Variants in DCC observed in about 807,000 individuals in gnomAD.
DCC encodes DCC netrin 1 receptor.
A neutral mutation model predicts 172.5 loss-of-function variants in DCC; 58 were observed. The ratio of observed to expected loss-of-function variants is 0.34; its 90% CI spans 0.27 to 0.42. The LOEUF (loss-of-function observed/expected upper bound fraction) is 0.42, where lower values mean the gene tolerates loss of function less well. DCC is among the 10% of genes least tolerant of loss of function. The pLI, the probability that DCC is intolerant of heterozygous loss-of-function variation, is 1.00. For synonymous variants in DCC, 709 were observed against 644.5 expected, an observed-to-expected ratio of 1.10 and a Z score of -1.52; for missense variants, 1,740 against 1,791.0, an observed-to-expected ratio of 0.97 and a Z score of 0.51.
intron 5 of DCC, among the ~76,000 whole-genome samples, chr18:52,969,584 ACT>A (rs56024197): frequency 0.15 from 17,864 of 119,226 alleles, 1,312 homozygotes; most frequent in African/African-American, 0.19. Context: ...CCCGCCCCCC[ACT>A]CTCTCTCTCT....
At chr18:52,472,957 T>C (rs890771425) in intron 1 of DCC, among the ~76,000 whole-genome samples, 1 of 152,170 alleles carries the variant, frequency 6.6e-6, no homozygotes, top group Non-Finnish European at 1.5e-5. Context: ...CGTAGAGCCT[T>C]AAACCAAAGG....
At chr18:52,968,732 A>G (rs1038043424) in intron 5 of DCC, among the ~76,000 whole-genome samples, 5 of 152,210 alleles carry the variant, frequency 3.3e-5, no homozygotes, top group Non-Finnish European at 5.9e-5. Context: ...TAATTTAGCT[A>G]GGGATACCAG....
chr18:52,754,474 C>G (rs1005491380), intron 2 of DCC, among the ~76,000 whole-genome samples: 1 of 152,090 alleles, frequency 6.6e-6, no homozygotes, highest in African/African-American at 2.4e-5. Context: ...TAAAAGTAAC[C>G]ACAGAACACC....
At chr18:52,720,346 T>C (rs919258029) in intron 1 of DCC, among the ~76,000 whole-genome samples, 1 of 152,228 alleles carries the variant, frequency 6.6e-6, no homozygotes, top group African/African-American at 2.4e-5. Context: ...CATTTGTTGT[T>C]AAATTTTTGA....
chr18:53,153,968 G>A lies in DCC; in HGVS notation c.1262-3388G>A, dbSNP rs1337364782. Among the ~76,000 whole-genome samples the A allele has an allele frequency of 2.0e-5, 3 of 152,188 alleles. No individual in the cohort carries two copies. The East Asian group carries it at 5.8e-4, about 29-fold the overall frequency. Reference sequence around the variant, plus strand: ...GGAGGACAGGCGATCTGAGCTGTTCGAATATTTGCTGAGTGAGCAGAGCTA... The same window carrying A: ...GGAGGACAGGCGATCTGAGCTGTTCAAATATTTGCTGAGTGAGCAGAGCTA... On this transcript the variant is annotated intron_variant, in intron 7 of 28. Transcript: ENST00000442544.
intron 5 of DCC, 31 bp from the exon 6 acceptor site, chr18:53,063,274 C>A (rs1666598841): frequency 2.5e-6 from 4 of 1,611,192 alleles, no homozygotes; most frequent in Non-Finnish European, 3.4e-6. Flanking sequence ...TCCCCACCCA[C>A]TCACTCACTT....
chr18:53,326,829 T>A (rs748777950), intron 14 of DCC, among the ~76,000 whole-genome samples: 1 of 152,134 alleles, frequency 6.6e-6, no homozygotes, highest in Non-Finnish European at 1.5e-5. Flanking sequence ...GAAAAAGCAA[T>A]CATTTTAAAC....
intron 1 of DCC, among the ~76,000 whole-genome samples, chr18:52,654,844 A>G (rs2035214574): frequency 6.6e-6 from 1 of 152,122 alleles, no homozygotes. Context: ...TAGTTCCTTC[A>G]ATAACTTGAA....
At chr18:53,093,963 G>A (rs781031895) in intron 7 of DCC, among the ~76,000 whole-genome samples, 1 of 152,116 alleles carries the variant, frequency 6.6e-6, no homozygotes, top group Non-Finnish European at 1.5e-5. Flanking sequence ...CAGTCTGACA[G>A]AATAACTAAT....
chr18:52,822,660 G>A (rs777030297), intron 2 of DCC, among the ~76,000 whole-genome samples: 7 of 152,178 alleles, frequency 4.6e-5, no homozygotes, highest in Non-Finnish European at 1.0e-4. Context: ...CAGTTTTAAT[G>A]AAATCATTTA....
chr18:53,378,722 C>T (rs142476952), intron 15 of DCC, among the ~76,000 whole-genome samples: 17 of 152,278 alleles, frequency 1.1e-4, no homozygotes, highest in African/African-American at 3.6e-4. Context: ...ATTTTCTTCC[C>T]GGTAATACAC....
intron 2 of DCC, among the ~76,000 whole-genome samples, chr18:52,883,806 T>C (rs944192560): frequency 1.3e-5 from 2 of 152,032 alleles, no homozygotes; most frequent in Non-Finnish European, 2.9e-5. Context: ...GATTTGTACC[T>C]TCAGATCATT....
chr18:52,915,180 G>A (rs1420674902), intron 3 of DCC, among the ~76,000 whole-genome samples: 2 of 152,068 alleles, frequency 1.3e-5, no homozygotes, highest in Admixed American at 6.6e-5. Context: ...TAAATTTCAT[G>A]TTGAGGTTCC....
At chr18:53,179,488 A>G (rs2055161826) in intron 9 of DCC, among the ~76,000 whole-genome samples, 2 of 152,216 alleles carry the variant, frequency 1.3e-5, no homozygotes, top group African/African-American at 4.8e-5. Flanking sequence ...CATCAAAGGT[A>G]AAAGAACAAT....
chr18:53,181,378 GA>G (rs1175506519), intron 9 of DCC, among the ~76,000 whole-genome samples: 2 of 149,418 alleles, frequency 1.3e-5, no homozygotes, highest in Non-Finnish European at 3.0e-5. Context: ...TTCAACTTAA[GA>G]AAGCAATTTT....
chr18:52,702,360 C>G (rs1315781440), intron 1 of DCC, among the ~76,000 whole-genome samples: 1 of 152,108 alleles, frequency 6.6e-6, no homozygotes. Flanking sequence ...TTGCCTCTTA[C>G]CTCCTTTGAA....
chr18:53,205,137 G>A, intron 9 of DCC, 79 bp from the exon 10 acceptor site: 1 of 1,088,046 alleles, frequency 9.2e-7, no homozygotes, highest in South Asian at 1.3e-5. Context: ...CTGTAAAAAT[G>A]TAATTTTGTT....
chr18:53,014,244 T>C (rs1372542303), intron 5 of DCC, among the ~76,000 whole-genome samples: 1 of 152,198 alleles, frequency 6.6e-6, no homozygotes, highest in Non-Finnish European at 1.5e-5. Flanking sequence ...TTCTTAAGCA[T>C]ATATTTGAAG....
At chr18:52,703,666 T>G (rs1933532173) in intron 1 of DCC, among the ~76,000 whole-genome samples, 1 of 152,146 alleles carries the variant, frequency 6.6e-6, no homozygotes, top group South Asian at 2.1e-4. Context: ...AATTTCACAC[T>G]GCTTCCTCTA....
Sources: allele counts gnomAD v4.1 joint callset (sites outside exome capture counted in the v4.1 genomes callset), GRCh38; gene constraint gnomAD v4.1.1; transcripts MANE v1.5; gene names NCBI Gene and HGNC (gene_info 2026-07-23, HGNC 2026-07-21).